Variants in DLGAP2 observed in about 807,000 individuals in gnomAD.
DLGAP2 encodes DLG associated protein 2.
DLGAP2 carries 26 observed loss-of-function variants against 100.3 expected under a neutral mutation model. That is an observed-to-expected ratio of 0.26 (90% CI 0.19 to 0.36). The LOEUF is 0.36. DLGAP2 is among the 10% of genes least tolerant of loss of function. DLGAP2 has a pLI of 1.00. For missense variants in DLGAP2, 1,858 were observed against 1,453.2 expected (o/e 1.28, Z -4.53); for synonymous variants, 886 against 630.1 (o/e 1.41, Z -6.08).
At chr8:1,597,766 G>A (rs995343394) in intron 6 of DLGAP2, among the ~76,000 whole-genome samples, 4 of 152,158 alleles carry the variant, frequency 2.6e-5, no homozygotes, top group African/African-American at 9.6e-5. Context: ...AGGAGATTTA[G>A]GGCTGAGACA....
At chr8:1,126,270 C>A (rs950181875) in intron 2 of DLGAP2, among the ~76,000 whole-genome samples, 2 of 152,092 alleles carry the variant, frequency 1.3e-5, no homozygotes, top group African/African-American at 4.8e-5. Flanking sequence ...GTAGGTAGGT[C>A]CTTGAAAGCT....
intron 2 of DLGAP2, among the ~76,000 whole-genome samples, chr8:1,000,180 G>A (rs1283394676): frequency 2.6e-5 from 4 of 151,228 alleles, no homozygotes; most frequent in African/African-American, 7.3e-5. Context: ...ACAGATCCGG[G>A]TGGAGGTGGT....
intron 8 of DLGAP2, among the ~76,000 whole-genome samples, chr8:1,638,813 G>A (rs1797830437): frequency 6.6e-6 from 1 of 152,226 alleles, no homozygotes; most frequent in East Asian, 1.9e-4. Context: ...AGGCCGTAAT[G>A]ATGGCTCCAT....
At chr8:1,121,676 C>T (rs1796051931) in intron 2 of DLGAP2, among the ~76,000 whole-genome samples, 1 of 151,698 alleles carries the variant, frequency 6.6e-6, no homozygotes, top group Non-Finnish European at 1.5e-5. Flanking sequence ...AACCCCTGAC[C>T]ACCCAACCTC....
intron 2 of DLGAP2, among the ~76,000 whole-genome samples, chr8:935,088 A>C (rs1799039827): frequency 6.6e-6 from 1 of 152,210 alleles, no homozygotes; most frequent in Non-Finnish European, 1.5e-5. Context: ...GTAAGTGGCC[A>C]TTAAACCCCA....
At chr8:1,314,489 T>G (rs1156888000) in intron 3 of DLGAP2, among the ~76,000 whole-genome samples, 1 of 152,234 alleles carries the variant, frequency 6.6e-6, no homozygotes, top group Non-Finnish European at 1.5e-5. Context: ...TTGGGATTTC[T>G]CCATCCAAAA....
chr8:994,517 G>C (rs531404795), intron 2 of DLGAP2, among the ~76,000 whole-genome samples: 3 of 152,098 alleles, frequency 2.0e-5, no homozygotes, highest in Non-Finnish European at 2.9e-5. Flanking sequence ...TTTTAATAAC[G>C]GTTGTCTCTG....
In DLGAP2 at chr8:937,922, G is replaced by A. The variant is rs577476116; in HGVS notation, c.73+29956G>A. ...GGTGCCTGGGGTAGGGGGACAGGAGGTGTCCATCCCGGCCTTTCTGCAGTG... is the reference window on the plus strand; with the variant it reads ...GGTGCCTGGGGTAGGGGGACAGGAGATGTCCATCCCGGCCTTTCTGCAGTG... On this transcript the variant is annotated intron_variant, in intron 2 of 14. Transcript: ENST00000637795. Among the ~76,000 whole-genome samples the A allele has an allele frequency of 7.1e-4, 108 of 152,268 alleles. 1 individual carries two copies. Among genetic ancestry groups the A allele is most frequent in the Non-Finnish European group, 4.6e-4 (31 of 68,020 alleles).
chr8:759,578 G>A (rs1821026247), intron 1 of DLGAP2, among the ~76,000 whole-genome samples: 1 of 150,162 alleles, frequency 6.7e-6, no homozygotes, highest in South Asian at 2.1e-4. Context: ...AGAGTCCACG[G>A]TTGATGTGGG....
At chr8:1,472,253 G>A (rs565771886) in intron 3 of DLGAP2, among the ~76,000 whole-genome samples, 6 of 152,352 alleles carry the variant, frequency 3.9e-5, no homozygotes, top group East Asian at 3.9e-4. Context: ...TGAGCCATGC[G>A]GTAGAGCGGC....
intron 3 of DLGAP2, among the ~76,000 whole-genome samples, chr8:1,428,273 A>G (rs1797293796): frequency 6.6e-6 from 1 of 152,150 alleles, no homozygotes; most frequent in South Asian, 2.1e-4. Flanking sequence ...ACAATGAGCA[A>G]TTTTATGATG....
chr8:872,495 G>A (rs1367565437), intron 1 of DLGAP2, among the ~76,000 whole-genome samples: 5 of 151,900 alleles, frequency 3.3e-5, no homozygotes, highest in Admixed American at 6.6e-5. Flanking sequence ...CACCACGCCC[G>A]GCTAATTTTG....
At chr8:1,421,909 T>A (rs1797096762) in intron 3 of DLGAP2, among the ~76,000 whole-genome samples, 1 of 151,958 alleles carries the variant, frequency 6.6e-6, no homozygotes, top group African/African-American at 2.4e-5. Context: ...GAGGTTGCAG[T>A]GAGCCGTGAT....
intron 2 of DLGAP2, among the ~76,000 whole-genome samples, chr8:1,103,035 C>T (rs939277446): frequency 6.6e-6 from 1 of 151,060 alleles, no homozygotes; most frequent in Non-Finnish European, 1.5e-5. Context: ...TCTGTGGTTC[C>T]CTATGAGTCT....
At position 1,549,561 on chromosome 8, in the gene DLGAP2, T is replaced by C; in HGVS notation, c.1108T>C (p.Ser370Pro). 1.2e-6 allele frequency: 2 copies of C among 1,613,022 alleles called. No homozygotes were observed. The highest frequency in any genetic ancestry group is 1.7e-6 in the Non-Finnish European group (2 of 1,179,806). Residue 370 changes from serine to proline, a missense_variant, in exon 5 of 15, where the codon TCC becomes CCC. Transcript: ENST00000637795. ...CGACGCCAAGTACCTGAAGCGCAGC[T>C]CCTGGTCTACGCTGACGGTCAGCCA... ...TPDAKYLKRS[S>P]WSTLTVSQAK...
chr8:1,318,843 G>A (rs10094132), intron 3 of DLGAP2, among the ~76,000 whole-genome samples: 67,460 of 142,728 alleles, frequency 0.47, 15,901 homozygotes, highest in South Asian at 0.62. Context: ...CTGCCGGAAT[G>A]GTCTTCCTAA....
At chr8:1,433,584 G>A (rs1444107745) in intron 3 of DLGAP2, among the ~76,000 whole-genome samples, 2 of 152,076 alleles carry the variant, frequency 1.3e-5, no homozygotes, top group Non-Finnish European at 2.9e-5. Context: ...AATCAATAAG[G>A]TGCACAGTCG....
chr8:1,529,458 C>T (rs1033137969), intron 4 of DLGAP2, among the ~76,000 whole-genome samples: 1 of 151,958 alleles, frequency 6.6e-6, no homozygotes, highest in African/African-American at 2.4e-5. Context: ...CAAGATGGAC[C>T]GAAGACTTCA....
At chr8:787,921 C>G (rs930261281) in intron 1 of DLGAP2, among the ~76,000 whole-genome samples, 16 of 152,184 alleles carry the variant, frequency 1.1e-4, no homozygotes, top group African/African-American at 3.6e-4. Flanking sequence ...TTAAAACCAC[C>G]TTGCTCACGT....
Sources: gnomAD v4.1 joint callset for allele counts (sites outside exome capture counted in the v4.1 genomes callset) on GRCh38, gnomAD v4.1.1 for gene constraint, MANE v1.5 for transcripts, NCBI Gene and HGNC (gene_info 2026-07-23, HGNC 2026-07-21) for gene names.